COMMD1: variants seen among roughly 807,000 people sequenced by gnomAD.
The protein encoded by COMMD1 is copper metabolism domain containing 1, also known as COMM domain-containing protein 1.
A neutral mutation model predicts 17.2 loss-of-function variants in COMMD1; 10 were observed. The ratio of observed to expected loss-of-function variants is 0.58; its 90% confidence interval spans 0.36 to 0.99. COMMD1 has a LOEUF of 0.99. COMMD1 is among the 50% of genes least tolerant of loss of function. COMMD1 has a pLI of 0.01. For synonymous variants in COMMD1, 97 were observed against 91.6 expected, an observed-to-expected ratio of 1.06 and a Z score of -0.34; for missense variants, 270 against 231.8, an observed-to-expected ratio of 1.17 and a Z score of -1.07.
intron 1 of COMMD1, among the ~76,000 whole-genome samples, chr2:61,893,041 A>G (rs1669472345): frequency 6.6e-6 from 1 of 151,692 alleles, no homozygotes; most frequent in South Asian, 2.1e-4. Context: ...CTAATTTTGT[A>G]TTTTTAGTAG....
chr2:61,942,621 C>G (rs1670782145), intron 1 of COMMD1, among the ~76,000 whole-genome samples: 1 of 149,028 alleles, frequency 6.7e-6, no homozygotes, highest in Non-Finnish European at 1.5e-5. Context: ...CTCATTGCAG[C>G]CTCCATCTCC....
At chr2:62,091,237 C>G (rs372687057) in intron 2 of COMMD1, among the ~76,000 whole-genome samples, 49 of 152,338 alleles carry the variant, frequency 3.2e-4, no homozygotes, top group African/African-American at 1.1e-3. Flanking sequence ...TTTAAAGCAG[C>G]TTCCCATCCT....
At chr2:61,932,386 C>T (rs1289938385) in intron 1 of COMMD1, among the ~76,000 whole-genome samples, 1 of 152,216 alleles carries the variant, frequency 6.6e-6, no homozygotes, top group African/African-American at 2.4e-5. Flanking sequence ...CAGCTATATT[C>T]TGTGCTTGGA....
At chr2:62,110,632 A>G (rs187859437) in intron 2 of COMMD1, among the ~76,000 whole-genome samples, 2 of 152,188 alleles carry the variant, frequency 1.3e-5, no homozygotes, top group East Asian at 1.9e-4. Context: ...AGTTGAGACA[A>G]TTATGTTTAT....
At chr2:61,994,578 G>A (rs1448901957) in intron 1 of COMMD1, among the ~76,000 whole-genome samples, 1 of 152,080 alleles carries the variant, frequency 6.6e-6, no homozygotes, top group Non-Finnish European at 1.5e-5. Context: ...GGTTCCAAAT[G>A]ATAGGAATAC....
chr2:61,987,386 T>G (rs909172168), intron 1 of COMMD1, among the ~76,000 whole-genome samples: 3 of 152,188 alleles, frequency 2.0e-5, no homozygotes, highest in Non-Finnish European at 4.4e-5. Context: ...CTAAGTTGTA[T>G]CTGCATTAAA....
At chr2:61,894,037 A>G (rs1245023816) in intron 1 of COMMD1, among the ~76,000 whole-genome samples, 1 of 151,970 alleles carries the variant, frequency 6.6e-6, no homozygotes, top group African/African-American at 2.4e-5. Flanking sequence ...TAGCCATTGA[A>G]CTCTAGTCTG....
intron 1 of COMMD1, among the ~76,000 whole-genome samples, chr2:61,979,154 C>G (rs930489169): frequency 6.6e-6 from 1 of 152,126 alleles, no homozygotes; most frequent in African/African-American, 2.4e-5. Context: ...TCTGTCTACC[C>G]TCTTTCTCCC....
rs191662853 is a variant in COMMD1 at position 61,913,202 on chromosome 2, A to G, written c.180+7344A>G. ...GCCAACATAATAAAACCCCATCTCT[A>G]CTAAAAATACAAAAATTAGCTGGGC... On this transcript the variant is annotated intron_variant, in intron 1 of 2. Transcript: ENST00000311832. Among the ~76,000 whole-genome samples, 734 of 151,854 alleles carry G rather than the reference A, an allele frequency of 4.8e-3. 8 individuals carry two copies. The highest frequency in any genetic ancestry group is 0.016 in the African/African-American group (655 of 41,370).
At position 62,127,691 on chromosome 2, in the gene COMMD1, G is replaced by A. The variant is rs535658054; in HGVS notation, c.463-8140G>A. Among the ~76,000 whole-genome samples the A allele has an allele frequency of 3.3e-5, 5 of 152,264 alleles. No homozygotes were observed. The South Asian group carries it at 1.0e-3, about 32-fold the overall frequency. Reference sequence around the variant, plus strand: ...TAGCCATATGCAGAAAATTGAAACTGAACCCATTCCTCACGCCTTATATAA... The same window carrying A: ...TAGCCATATGCAGAAAATTGAAACTAAACCCATTCCTCACGCCTTATATAA... On this transcript the variant is annotated intron_variant, in intron 2 of 2. Transcript: ENST00000311832.
chr2:62,033,871 A>G (rs1669972575), intron 2 of COMMD1, among the ~76,000 whole-genome samples: 1 of 152,060 alleles, frequency 6.6e-6, no homozygotes. Context: ...GCCCTTTGGG[A>G]GACCGAGGCA....
chr2:62,002,704 C>G (rs777505588), intron 2 of COMMD1, among the ~76,000 whole-genome samples: 2 of 149,816 alleles, frequency 1.3e-5, no homozygotes, highest in African/African-American at 4.9e-5. Context: ...ACAACAACAA[C>G]AAATTGCCGG....
chr2:62,120,446 A>C (rs945038681), intron 2 of COMMD1, among the ~76,000 whole-genome samples: 2 of 152,104 alleles, frequency 1.3e-5, no homozygotes, highest in Non-Finnish European at 2.9e-5. Flanking sequence ...TCTGAACTTC[A>C]AACTAAAATC....
At chr2:62,048,916 T>C (rs1366541543) in intron 2 of COMMD1, among the ~76,000 whole-genome samples, 1 of 152,160 alleles carries the variant, frequency 6.6e-6, no homozygotes, top group Admixed American at 6.5e-5. Context: ...TTCTTCCCTT[T>C]ACTGTGCCTC....
At position 62,103,919 on chromosome 2, in the gene COMMD1, C is replaced by A. The variant is rs10165684; in HGVS notation, c.463-31912C>A. Among the ~76,000 whole-genome samples, 408 of 152,192 alleles carry A rather than the reference C, an allele frequency of 2.7e-3. 3 individuals carry two copies. Among genetic ancestry groups the A allele is most frequent in the African/African-American group, 9.0e-3 (372 of 41,506 alleles). On this transcript the variant is annotated intron_variant, in intron 2 of 2. Transcript: ENST00000311832. ...GCAGTGGCATGATCTCGGCTTACTG[C>A]GACCTCTGCCTCCCAGGTTTAAGTG...
chr2:61,921,568 C>T (rs924618658), intron 1 of COMMD1, among the ~76,000 whole-genome samples: 16 of 152,234 alleles, frequency 1.1e-4, no homozygotes, highest in Admixed American at 7.8e-4. Context: ...CTCAGCCTCC[C>T]GAGTAGCTGG....
chr2:62,020,323 T>C (rs1341275425), intron 2 of COMMD1, among the ~76,000 whole-genome samples: 1 of 152,226 alleles, frequency 6.6e-6, no homozygotes, highest in African/African-American at 2.4e-5. Flanking sequence ...ATTCCTTGAT[T>C]AAAATACAGG....
intron 2 of COMMD1, among the ~76,000 whole-genome samples, chr2:62,036,273 T>C (rs1367108548): frequency 6.6e-6 from 1 of 152,200 alleles, no homozygotes; most frequent in Admixed American, 6.5e-5. Flanking sequence ...CTTTAAATAG[T>C]GTTTTATGGA....
intron 2 of COMMD1, among the ~76,000 whole-genome samples, chr2:62,036,253 C>T (rs749748072): frequency 1.3e-4 from 20 of 152,164 alleles, no homozygotes; most frequent in Non-Finnish European, 2.2e-4. Flanking sequence ...TGACAAGTTA[C>T]ATAATAATAC....
Sources: allele counts gnomAD v4.1 joint callset (sites outside exome capture counted in the v4.1 genomes callset), GRCh38; gene constraint gnomAD v4.1.1; transcripts MANE v1.5; gene names NCBI Gene and HGNC (gene_info 2026-07-23, HGNC 2026-07-21).